The following UGGT1 variants were observed in gnomAD, a reference collection of about 807,000 sequenced individuals.
The protein encoded by UGGT1 is UDP-glucose:glycoprotein glucosyltransferase 1.
In UGGT1, 107 loss-of-function variants were observed where a neutral mutation model predicts 203.9. That is an observed-to-expected ratio of 0.52 (90% CI 0.45 to 0.62). The LOEUF (loss-of-function observed/expected upper bound fraction) is 0.62, where lower values mean the gene tolerates loss of function less well. UGGT1 is among the 20% of genes least tolerant of loss of function. The probability of loss-of-function intolerance (pLI) is 0.00; values close to 1 mark genes in which losing one functional copy is unlikely to be tolerated. For synonymous variants in UGGT1, 628 were observed against 653.5 expected, an observed-to-expected ratio of 0.96 and a Z score of 0.59; for missense variants, 1,673 against 1,867.2, an observed-to-expected ratio of 0.90 and a Z score of 1.92.
chr2:128,169,241 T>C (rs1160332248), intron 26 of UGGT1, among the ~76,000 whole-genome samples: 1 of 151,908 alleles, frequency 6.6e-6, no homozygotes, highest in African/African-American at 2.4e-5. Flanking sequence ...CATGGTGGCA[T>C]GTGTCTGTAG....
chr2:128,151,628 G>C (rs984723596), intron 18 of UGGT1, among the ~76,000 whole-genome samples: 3 of 152,152 alleles, frequency 2.0e-5, no homozygotes, highest in African/African-American at 7.2e-5. Flanking sequence ...AATGACTTCA[G>C]GTCGGGCACG....
chr2:128,130,873 G>A (rs896980351), intron 13 of UGGT1, among the ~76,000 whole-genome samples: 4 of 151,954 alleles, frequency 2.6e-5, no homozygotes, highest in African/African-American at 9.7e-5. Context: ...CAATCCTCTT[G>A]CTTCAGCTTC....
chr2:128,124,255 C>T (rs1688511936), intron 11 of UGGT1, among the ~76,000 whole-genome samples: 1 of 152,154 alleles, frequency 6.6e-6, no homozygotes, highest in African/African-American at 2.4e-5. Flanking sequence ...CAACTTTCTA[C>T]TTGTTTTTAT....
chr2:128,157,505 CAAGAA>C (rs1690296972), intron 22 of UGGT1, among the ~76,000 whole-genome samples, 159 bp downstream of exon 22: 1 of 152,126 alleles, frequency 6.6e-6, no homozygotes, highest in Non-Finnish European at 1.5e-5. Flanking sequence ...TGCCAGCTCT[CAAGAA>C]AAGAGATCTA....
At chr2:128,146,390 A>G (rs1462698931) in intron 18 of UGGT1, among the ~76,000 whole-genome samples, 3 of 152,286 alleles carry the variant, frequency 2.0e-5, no homozygotes, top group South Asian at 4.1e-4. Context: ...GGCAAGTCCT[A>G]TGATGAAAAT....
chr2:128,125,996 G>A (rs1015886041), intron 11 of UGGT1, among the ~76,000 whole-genome samples: 8 of 148,034 alleles, frequency 5.4e-5, no homozygotes, highest in Non-Finnish European at 8.9e-5. Context: ...AGGCTGGAGT[G>A]CAGTGGCATG....
Position 128,138,594 on chromosome 2 carries a change from C to CT in UGGT1, c.1584-119dup, listed in dbSNP as rs1689257438. ...AGAGTAGAGTAGGCTGTGAACTGTG[C>CT]TTTTCACTCAAAGAGTTTTCCTCTG... On this transcript the variant is annotated intron_variant, in intron 15 of 40. Coordinates refer to ENST00000259253, the MANE Select transcript of UGGT1 (RefSeq NM_020120.4). The CT allele has an allele frequency of 2.1e-5, 24 of 1,159,690 alleles. No individual in the cohort carries two copies. In the South Asian group the frequency reaches 3.7e-4, roughly 18 times the overall value. 71.8% of individuals were successfully genotyped at this position (1,159,690 alleles called of 1,614,324 possible).
chr2:128,117,622 C>T lies in UGGT1; in HGVS notation c.872+1279C>T, dbSNP rs540490273. ...GCAGTGCCACGATCTTGGCTCACTG[C>T]AAGCTCCGCCTCCTGGGTTCACGCT... On this transcript the variant is annotated intron_variant, in intron 8 of 40. Transcript: ENST00000259253. Among the ~76,000 whole-genome samples, 4 of 148,216 alleles carry T rather than the reference C, an allele frequency of 2.7e-5. No homozygotes were observed. In the South Asian group the frequency reaches 8.4e-4, roughly 31 times the overall value.
At chr2:128,108,444 A>G (rs1687702553) in intron 4 of UGGT1, among the ~76,000 whole-genome samples, 2 of 152,150 alleles carry the variant, frequency 1.3e-5, no homozygotes, top group African/African-American at 4.8e-5. Context: ...AGTCAGGAAA[A>G]TCTAGAATTC....
chr2:128,128,277 A>G (rs1169018419), intron 12 of UGGT1, among the ~76,000 whole-genome samples: 1 of 149,990 alleles, frequency 6.7e-6, no homozygotes, highest in African/African-American at 2.4e-5. Flanking sequence ...CTCAAAAGAA[A>G]TTTTTTTAAT....
Position 128,130,260 on chromosome 2 carries a change from C to CAAA in UGGT1, c.1377+1096_1377+1098dup, listed in dbSNP as rs59253377. On this transcript the variant is annotated intron_variant, in intron 13 of 40. Transcript: ENST00000259253. ...TGGGTGACAGAGCAAGACTCCGTCA[C>CAAA]AAAAAAAAAAAAAAAAATAGAGAAT... is the stretch of plus-strand genomic sequence containing the variant. 6.8e-3 allele frequency among the ~76,000 whole-genome samples: 607 copies of CAAA among 89,596 alleles called. 9 individuals are homozygous for CAAA. Among genetic ancestry groups the CAAA allele is most frequent in the African/African-American group, 0.021 (502 of 24,000 alleles). 58.8% of individuals were successfully genotyped at this position (89,596 alleles called of 152,430 possible). A position where few individuals can be genotyped will look rare whatever the true frequency, so the allele number is the denominator to read the frequency against.
At chr2:128,118,310 G>C (rs958847267) in intron 8 of UGGT1, among the ~76,000 whole-genome samples, 1 of 152,124 alleles carries the variant, frequency 6.6e-6, no homozygotes, top group Non-Finnish European at 1.5e-5. Context: ...CTGTCACTCA[G>C]ACTGGAGAGC....
At chr2:128,102,617 C>T (rs1419907724) in intron 2 of UGGT1, among the ~76,000 whole-genome samples, 4 of 151,932 alleles carry the variant, frequency 2.6e-5, no homozygotes, top group Non-Finnish European at 5.9e-5. Flanking sequence ...TAGGACTGTT[C>T]CAAGTTTAGA....
At chr2:128,188,551 A>G (rs1295027948) in intron 40 of UGGT1, among the ~76,000 whole-genome samples, 1 of 152,238 alleles carries the variant, frequency 6.6e-6, no homozygotes, top group Non-Finnish European at 1.5e-5. Context: ...TTTATTTTTA[A>G]ATTGTCACGT....
In UGGT1 at chr2:128,164,824, A is replaced by C. The variant is rs1690707320; in HGVS notation, c.2920A>C (p.Ser974Arg). ...IEYQFFEDRH[S>R]AIKLRPKEGE... ...GTACCAGTTTTTTGAAGACAGACAC[A>C]GGTATAGAATTAATGTTGAATTTGT... Residue 974 changes from serine (S) to arginine (R), a missense_variant and splice_region_variant, in exon 26 of 41, where the codon AGT becomes CGT. Physicochemically the swap from Ser to Arg is moderately radical, Grantham distance 110. This residue lies in a region of UGGT1 where 1,073 missense variants were observed against 1,078.7 expected (regional missense o/e 0.99). Transcript: ENST00000259253. 1 of 1,598,264 alleles carries C rather than the reference A, an allele frequency of 6.3e-7. No homozygotes were observed. The highest frequency in any genetic ancestry group is 8.5e-7 in the Non-Finnish European group (1 of 1,174,286).
At chr2:128,165,655 C>T (rs1194213266) in intron 26 of UGGT1, among the ~76,000 whole-genome samples, 3 of 152,130 alleles carry the variant, frequency 2.0e-5, no homozygotes, top group African/African-American at 7.2e-5. Flanking sequence ...AGAGATCGTG[C>T]CATTGCACTC....
intron 15 of UGGT1, among the ~76,000 whole-genome samples, chr2:128,135,877 T>A (rs1327826620): frequency 6.6e-6 from 1 of 152,224 alleles, no homozygotes; most frequent in Admixed American, 6.5e-5. Context: ...GATTTTGAGT[T>A]TCATGACATT....
intron 17 of UGGT1, 168 bp from the exon 18 acceptor site, chr2:128,145,635 C>A: frequency 1.5e-6 from 1 of 677,396 alleles, no homozygotes; most frequent in Non-Finnish European, 2.3e-6. Context: ...AGGATATTAA[C>A]TTTGATGTCA....
At chr2:128,153,012 A>AT (rs897763642) in intron 19 of UGGT1, 108 bp downstream of exon 19, 1 of 1,492,090 alleles carries the variant, frequency 6.7e-7, no homozygotes, top group African/African-American at 1.4e-5. Flanking sequence ...TGTTCAGAAG[A>AT]TAGCCCAAGA....
Sources: allele counts gnomAD v4.1 joint callset (sites outside exome capture counted in the v4.1 genomes callset), GRCh38; gene constraint gnomAD v4.1.1; regional missense constraint gnomAD v4.1.1; transcripts MANE v1.5; gene names NCBI Gene and HGNC (gene_info 2026-07-23, HGNC 2026-07-21).